The following WDR20 variants were observed in gnomAD, a reference collection of about 807,000 sequenced individuals.
WDR20 encodes WD repeat domain 20, also known as WD repeat-containing protein 20.
A neutral mutation model predicts 38.7 loss-of-function variants in WDR20; 3 were observed. That is an observed-to-expected ratio of 0.08 (90% CI 0.04 to 0.20). WDR20 has a LOEUF of 0.20. Among genes scored for constraint, WDR20 ranks in the 10% least tolerant of loss-of-function variants. WDR20 has a pLI of 1.00. For missense variants in WDR20, 559 were observed against 727.7 expected, an observed-to-expected ratio of 0.77 and a Z score of 2.67; for synonymous variants, 298 against 285.6, an observed-to-expected ratio of 1.04 and a Z score of -0.44.
intron 1 of WDR20, among the ~76,000 whole-genome samples, chr14:102,146,756 T>C (rs922858472): frequency 6.6e-6 from 1 of 152,216 alleles, no homozygotes; most frequent in Admixed American, 6.5e-5. Context: ...GATATTTTAC[T>C]GCTTCAGAGA....
chr14:102,183,060 C>CAG (rs769339832), intron 1 of WDR20, among the ~76,000 whole-genome samples: 2 of 151,824 alleles, frequency 1.3e-5, no homozygotes, highest in Non-Finnish European at 2.9e-5. Flanking sequence ...CTCTCCGTCT[C>CAG]AGAGAGAGAG....
chr14:102,202,410 C>T (rs1327147072), intron 2 of WDR20, among the ~76,000 whole-genome samples: 6 of 127,640 alleles, frequency 4.7e-5, no homozygotes, highest in Non-Finnish European at 9.4e-5. Flanking sequence ...GACGGAGTCT[C>T]GCTCTGTCGC....
intron 1 of WDR20, among the ~76,000 whole-genome samples, chr14:102,175,987 T>C (rs1397629121): frequency 6.6e-6 from 1 of 152,208 alleles, no homozygotes; most frequent in Non-Finnish European, 1.5e-5. Context: ...TATGATTATA[T>C]ATCATCAGCA....
At chr14:102,213,648 T>G (rs1188734530), downstream of WDR20, 4 of 985,508 alleles carry the variant, frequency 4.1e-6, no homozygotes, top group Non-Finnish European at 4.8e-6. Flanking sequence ...AGGGCCCAGC[T>G]GGCACGTGGC....
chr14:102,139,438 T>G, upstream of WDR20: 1 of 1,508,116 alleles, frequency 6.6e-7, no homozygotes, highest in Non-Finnish European at 8.9e-7. Flanking sequence ...GCGTGCTGGC[T>G]CCGAAGCGGT....
chr14:102,210,013 G>A lies in WDR20; in HGVS notation c.*133G>A. The A allele has an allele frequency of 6.9e-7, 1 of 1,444,652 alleles. No individual in the cohort carries two copies. Among genetic ancestry groups the A allele is most frequent in the East Asian group, 2.4e-5 (1 of 41,182 alleles). The allele number at this position is 1,444,652 out of a possible 1,614,324, so 89.5% of individuals were successfully genotyped here. On this transcript the variant is annotated 3_prime_UTR_variant, in exon 3 of 3. Transcript: ENST00000342702. ...CTCAATGCATCAGAGCCATAATTTT[G>A]GATACTGCATGCCATGTAATTCTGA...
intron 1 of WDR20, among the ~76,000 whole-genome samples, chr14:102,141,663 T>C (rs906526702): frequency 6.6e-6 from 1 of 152,102 alleles, no homozygotes; most frequent in African/African-American, 2.4e-5. Context: ...ACGTTGTAAT[T>C]AATAATATAA....
Position 102,198,691 on chromosome 14 carries a change from C to T in WDR20, c.432+3571C>T, listed in dbSNP as rs536928149. 5.9e-5 allele frequency among the ~76,000 whole-genome samples: 9 copies of T among 152,290 alleles called. No homozygotes were observed. The South Asian group carries it at 1.0e-3, about 18-fold the overall frequency. On this transcript the variant is annotated intron_variant, in intron 2 of 2. Coordinates refer to ENST00000342702, the MANE Select transcript of WDR20 (RefSeq NM_144574.4). ...CAGATTTGTTTCTTAGCCTGAAGTA[C>T]GGGATTCCTTAGAAGGGAGCAGGTG... is the stretch of plus-strand genomic sequence containing the variant.
At chr14:102,211,074 G>A (rs538694863), downstream of WDR20, among the ~76,000 whole-genome samples, 8 of 152,286 alleles carry the variant, frequency 5.3e-5, no homozygotes, top group East Asian at 3.9e-4. The surrounding 1 kb of genome is among the most constrained non-coding windows in gnomAD (Gnocchi z 4.2). Flanking sequence ...CCCGGAGACC[G>A]CAGTCTTTCA....
At chr14:102,203,731 A>T (rs2060956702) in intron 2 of WDR20, among the ~76,000 whole-genome samples, 1 of 151,928 alleles carries the variant, frequency 6.6e-6, no homozygotes, top group South Asian at 2.1e-4. Context: ...ATTTTTCAAC[A>T]TCCTCATCCA....
chr14:102,167,622 C>T (rs79356571), intron 1 of WDR20: 5 of 152,322 alleles, frequency 3.3e-5, no homozygotes, highest in African/African-American at 4.8e-5. Flanking sequence ...AATCTTAGCT[C>T]ATATGTAATT....
intron 1 of WDR20, among the ~76,000 whole-genome samples, chr14:102,192,717 A>C (rs1392546762): frequency 6.6e-6 from 1 of 152,124 alleles, no homozygotes; most frequent in Admixed American, 6.5e-5. Context: ...AATTTATATT[A>C]GGCTATTTTC....
intron 2 of WDR20, among the ~76,000 whole-genome samples, chr14:102,200,468 TGTGTGTGTGTGTG>T (rs2060124014): frequency 1.4e-4 from 6 of 43,078 alleles, no homozygotes; most frequent in Admixed American, 7.3e-4. Flanking sequence ...TTTTTTTTTT[TGTGTGTGTGTGTG>T]TGTGTGTGTG....
intron 2 of WDR20, among the ~76,000 whole-genome samples, chr14:102,203,715 C>G (rs370247683): frequency 6.6e-6 from 1 of 152,062 alleles, no homozygotes; most frequent in Non-Finnish European, 1.5e-5. Context: ...CTCAGAGGGA[C>G]CGGGTATTTT....
chr14:102,207,053 AGAG>A lies in WDR20; in HGVS notation c.433-1545_433-1543del, dbSNP rs1326066011. ...GGTAGGTCACCAGGCAGGAGGATAA[AGAG>A]GAGGTGGGGGATGAAAATACTGGCT... is the stretch of plus-strand genomic sequence containing the variant. On this transcript the variant is annotated intron_variant, in intron 2 of 2. Transcript: ENST00000342702. This position sits in a 1 kb window ranked among gnomAD's most constrained non-coding sequence, Gnocchi z 5.0. Among the ~76,000 whole-genome samples the A allele has an allele frequency of 6.6e-6, 1 of 152,200 alleles. No homozygotes were observed. Among genetic ancestry groups the A allele is most frequent in the Non-Finnish European group, 1.5e-5 (1 of 68,024 alleles).
At chr14:102,218,443 C>G (rs1567100947), downstream of WDR20, among the ~76,000 whole-genome samples, 4 of 152,238 alleles carry the variant, frequency 2.6e-5, no homozygotes, top group South Asian at 2.1e-4. Context: ...TCTGACGTGG[C>G]CTGTGGCCCT....
intron 1 of WDR20, 41 bp downstream of exon 1, chr14:102,140,213 G>T: frequency 1.2e-6 from 2 of 1,603,118 alleles, no homozygotes; most frequent in Middle Eastern, 1.7e-4. Flanking sequence ...AGCGGCGTAG[G>T]CAGAGGCCGG....
chr14:102,162,823 G>C (rs182355820), intron 1 of WDR20, among the ~76,000 whole-genome samples: 1 of 152,234 alleles, frequency 6.6e-6, no homozygotes, highest in Admixed American at 6.5e-5. Flanking sequence ...TGTAGCCCAG[G>C]CTGGTCTTGA....
At chr14:102,144,963 C>T (rs188528455) in intron 1 of WDR20, among the ~76,000 whole-genome samples, 1 of 152,304 alleles carries the variant, frequency 6.6e-6, no homozygotes, top group Non-Finnish European at 1.5e-5. Flanking sequence ...CCTCCCAAAG[C>T]ACTGGGATTA....
Sources: gnomAD v4.1 joint callset for allele counts (sites outside exome capture counted in the v4.1 genomes callset) on GRCh38, gnomAD v4.1.1 for gene constraint, Gnocchi (gnomAD v3.1) non-coding constraint, MANE v1.5 for transcripts, NCBI Gene and HGNC (gene_info 2026-07-23, HGNC 2026-07-21) for gene names.